TTC13: variants seen among roughly 807,000 people sequenced by gnomAD.
TTC13 encodes the protein tetratricopeptide repeat domain 13, also known as tetratricopeptide repeat protein 13.
In TTC13, 62 loss-of-function variants were observed where a neutral mutation model predicts 120.0. The observed-to-expected ratio is 0.52, with a 90% CI of 0.42 to 0.64. The LOEUF (loss-of-function observed/expected upper bound fraction) is 0.64. Ranked by LOEUF, TTC13 falls within the 30% of genes least tolerant of loss-of-function variation. The pLI is 0.00. For synonymous variants in TTC13, 384 were observed against 393.5 expected (o/e 0.98, Z 0.28); for missense variants, 824 against 1,050.2 (o/e 0.78, Z 2.98).
chr1:230,918,652 C>T (rs1672273562), intron 17 of TTC13, among the ~76,000 whole-genome samples: 1 of 152,130 alleles, frequency 6.6e-6, no homozygotes, highest in African/African-American at 2.4e-5. Context: ...CAGACCCTCA[C>T]AATAAACTCC....
chr1:230,945,531 G>T, intron 4 of TTC13, 77 bp from the exon 5 acceptor site: 1 of 1,316,806 alleles, frequency 7.6e-7, no homozygotes, highest in Non-Finnish European at 1.1e-6. Context: ...CTTAAAGCAC[G>T]TTAATGCCGC....
chr1:230,961,063 C>A, intron 2 of TTC13, 146 bp downstream of exon 2: 2 of 594,964 alleles, frequency 3.4e-6, no homozygotes, highest in Non-Finnish European at 6.0e-6. Context: ...TTCAATGTGG[C>A]AAAATACCAG....
At chr1:230,967,634 T>C (rs1677257862) in intron 1 of TTC13, among the ~76,000 whole-genome samples, 1 of 152,214 alleles carries the variant, frequency 6.6e-6, no homozygotes, top group African/African-American at 2.4e-5. Context: ...TAACTATGTA[T>C]GTATCTTCTA....
At chr1:230,915,540 T>C (rs954417394) in intron 18 of TTC13, among the ~76,000 whole-genome samples, 2 of 152,160 alleles carry the variant, frequency 1.3e-5, no homozygotes, top group African/African-American at 4.8e-5. Context: ...AACAAAAAGA[T>C]CAGTCAGAGA....
At chr1:230,952,490 A>G (rs1025065035) in intron 4 of TTC13, among the ~76,000 whole-genome samples, 1 of 152,254 alleles carries the variant, frequency 6.6e-6, no homozygotes, top group Non-Finnish European at 1.5e-5. Flanking sequence ...CTGCGAGCAA[A>G]GCAGTCCAAT....
intron 12 of TTC13, among the ~76,000 whole-genome samples, chr1:230,925,994 T>C (rs1337880125): frequency 1.3e-5 from 2 of 152,164 alleles, no homozygotes; most frequent in African/African-American, 2.4e-5. Context: ...CCTCTGCCCT[T>C]TGTCCACTCC....
At chr1:230,938,150 A>G (rs961897914) in intron 8 of TTC13, among the ~76,000 whole-genome samples, 5 of 152,218 alleles carry the variant, frequency 3.3e-5, no homozygotes, top group African/African-American at 1.2e-4. Context: ...CCTGCCACAC[A>G]TTACTAAATT....
In TTC13 at chr1:230,978,167, T is replaced by C. The variant is rs966852222; in HGVS notation, c.271+393A>G. On this transcript the variant is annotated intron_variant, in intron 1 of 22. Transcript: ENST00000366661. This position sits in a 1 kb window ranked among gnomAD's most constrained non-coding sequence, Gnocchi z 5.6. ...CGGGCTCCGCAAGCCGCCGGGCTGG[T>C]TGCTCGTCCGCCCGCCCCTCCCTCG... Among the ~76,000 whole-genome samples the C allele has an allele frequency of 2.0e-5, 3 of 152,156 alleles. No individual in the cohort carries two copies. Among genetic ancestry groups the C allele is most frequent in the Non-Finnish European group, 4.4e-5 (3 of 67,988 alleles).
In TTC13 at chr1:230,944,810, T is replaced by C. The variant is rs1674833453; in HGVS notation, c.579+579A>G. On this transcript the variant is annotated intron_variant, in intron 5 of 22. Transcript: ENST00000366661. The surrounding 1 kb of genome is among the most constrained non-coding windows in gnomAD (Gnocchi z 4.0). Reference sequence around the variant, plus strand: ...GCATATAATGTCCTAGACTAAAAATTTGGAAAGCTGAACTTACACCATTTC... The same window carrying C: ...GCATATAATGTCCTAGACTAAAAATCTGGAAAGCTGAACTTACACCATTTC... 6.6e-6 allele frequency among the ~76,000 whole-genome samples: 1 copy of C among 152,134 alleles called. No individual in the cohort carries two copies. The highest frequency in any genetic ancestry group is 2.4e-5 in the African/African-American group (1 of 41,440).
chr1:230,915,717 T>C (rs540876621), intron 18 of TTC13, among the ~76,000 whole-genome samples: 87 of 152,186 alleles, frequency 5.7e-4, no homozygotes, highest in Non-Finnish European at 9.6e-4. Context: ...ATTTTGCTTA[T>C]CTGTATATTC....
chr1:230,975,447 C>A (rs113453367), intron 1 of TTC13, among the ~76,000 whole-genome samples: 8 of 152,028 alleles, frequency 5.3e-5, no homozygotes, highest in African/African-American at 1.9e-4. Context: ...GTGTTTATGA[C>A]AATATAACTA....
Position 230,940,488 on chromosome 1 carries a change from G to A in TTC13, c.741C>T (p.Pro247=). ...CCCGATGTCTGTACAGCCGTGCTGA[G>A]GGCTGCAGTTGGATAGCTTTAGTGA... ...NDLTKAIQLQ[P]SARLYRHRGT... The change falls in exon 7 of 23, where the codon CCC becomes CCT. Residue 247 remains proline, a synonymous_variant. Coordinates refer to ENST00000366661, the MANE Select transcript of TTC13 (RefSeq NM_024525.5). The surrounding 1 kb of genome is among the most constrained non-coding windows in gnomAD (Gnocchi z 4.1). 6.2e-7 allele frequency: 1 copy of A among 1,613,934 alleles called. No individual in the cohort carries two copies. The highest frequency in any genetic ancestry group is 8.5e-7 in the Non-Finnish European group (1 of 1,179,904).
At chr1:230,932,544 C>T (rs1452245824) in intron 9 of TTC13, among the ~76,000 whole-genome samples, 2 of 152,126 alleles carry the variant, frequency 1.3e-5, no homozygotes, top group East Asian at 1.9e-4. Flanking sequence ...TCCTGAAAAG[C>T]GGGACCCAAT....
intron 20 of TTC13, 138 bp from the exon 21 acceptor site, chr1:230,909,158 T>A: frequency 1.4e-6 from 1 of 702,136 alleles, no homozygotes. Flanking sequence ...ATGTTTCATT[T>A]AACATGAAAA....
intron 1 of TTC13, among the ~76,000 whole-genome samples, chr1:230,966,639 A>C (rs1030996623): frequency 3.3e-5 from 5 of 152,240 alleles, no homozygotes; most frequent in African/African-American, 9.6e-5. Context: ...AACTGATAGC[A>C]ATCAAAGTAC....
At chr1:230,975,802 G>A (rs1678244450) in intron 1 of TTC13, among the ~76,000 whole-genome samples, 1 of 152,166 alleles carries the variant, frequency 6.6e-6, no homozygotes, top group African/African-American at 2.4e-5. Context: ...TGTCACTTCT[G>A]CAGTAGATCT....
At position 230,925,556 on chromosome 1, in the gene TTC13, C is replaced by G. The variant is rs201187353; in HGVS notation, c.1549G>C (p.Glu517Gln). The G allele has an allele frequency of 3.7e-6, 6 of 1,614,102 alleles. No homozygotes were observed. The Admixed American group carries it at 8.3e-5, about 22-fold the overall frequency. The part of the protein sequence containing the change: ...ADRLGSLMQY[E>Q]TPGFLPNKRI... ...TTGTTTGGCAGGAAACCAGGTGTTT[C>G]ATATTGCATCAGGGATCCCAAACGA... Residue 517 changes from glutamate (E) to glutamine (Q), a missense_variant, in exon 13 of 23, where the codon GAA (glutamate) becomes CAA (glutamine). Around this residue, in one of 4 missense-constraint regions of TTC13, gnomAD observed 430 missense variants for 626.8 expected, o/e 0.69. Coordinates refer to ENST00000366661, the MANE Select transcript of TTC13 (RefSeq NM_024525.5).
At chr1:230,925,025 TCCAC>T (rs1404837437) in intron 13 of TTC13, 52 bp from the exon 14 acceptor site, 11 of 1,604,224 alleles carry the variant, frequency 6.9e-6, no homozygotes, top group Non-Finnish European at 9.4e-6. Flanking sequence ...GGGACTGAGT[TCCAC>T]CTACTTTACA....
intron 17 of TTC13, among the ~76,000 whole-genome samples, chr1:230,917,273 G>A (rs965080732): frequency 2.0e-5 from 3 of 152,192 alleles, no homozygotes; most frequent in Non-Finnish European, 2.9e-5. Flanking sequence ...GATAGCACTA[G>A]GTATGGTCTC....
Sources: allele counts gnomAD v4.1 joint callset (sites outside exome capture counted in the v4.1 genomes callset), GRCh38; gene constraint gnomAD v4.1.1; regional missense constraint gnomAD v4.1.1; non-coding constraint Gnocchi (gnomAD v3.1); transcripts MANE v1.5; gene names NCBI Gene and HGNC (gene_info 2026-07-23, HGNC 2026-07-21).